The following ANO1 variants were observed in gnomAD, a reference collection of about 807,000 sequenced individuals.
ANO1 encodes the protein anoctamin-1.
A neutral mutation model predicts 124.0 loss-of-function variants in ANO1; 59 were observed. The ratio of observed to expected loss-of-function variants is 0.48; its 90% CI spans 0.39 to 0.59. The LOEUF is 0.59. ANO1 is among the 20% of genes least tolerant of loss of function. The pLI is 0.00. For missense variants in ANO1, 1,059 were observed against 1,328.0 expected (o/e 0.80, Z 3.15); for synonymous variants, 529 against 532.0 (o/e 0.99, Z 0.08).
chr11:70,095,860 T>G (rs950773515), intron 2 of ANO1, among the ~76,000 whole-genome samples: 2 of 149,192 alleles, frequency 1.3e-5, no homozygotes, highest in African/African-American at 2.4e-5. Flanking sequence ...AGTTTTTAAC[T>G]CTTTTTATGA....
At chr11:70,036,671 G>A (rs1358337370) in intron 1 of ANO1, among the ~76,000 whole-genome samples, 1 of 152,122 alleles carries the variant, frequency 6.6e-6, no homozygotes, top group Admixed American at 6.5e-5. Flanking sequence ...GCAGTAGCAC[G>A]ATCTCGGCTC....
intron 8 of ANO1, 23 bp downstream of exon 8, chr11:70,116,522 G>A: frequency 2.5e-6 from 4 of 1,581,864 alleles, no homozygotes; most frequent in Middle Eastern, 3.4e-4. Context: ...AGCGGAGCAG[G>A]AGGTGGCTCT....
At chr11:70,150,647 A>C (rs2047566680) in intron 12 of ANO1, among the ~76,000 whole-genome samples, 2 of 151,942 alleles carry the variant, frequency 1.3e-5, no homozygotes, top group Admixed American at 1.3e-4. Flanking sequence ...CCCTCCTCCC[A>C]TTTCAGCCTC....
chr11:70,121,843 CTCTCTA>C (rs1318618936), intron 8 of ANO1, among the ~76,000 whole-genome samples: 4 of 52,580 alleles, frequency 7.6e-5, no homozygotes, highest in Non-Finnish European at 4.0e-5. Context: ...CTCTGTCTGT[CTCTCTA>C]TCTCTGTCTC....
At chr11:70,021,529 A>G (rs1856809366) in intron 1 of ANO1, among the ~76,000 whole-genome samples, 1 of 151,996 alleles carries the variant, frequency 6.6e-6, no homozygotes, top group African/African-American at 2.4e-5. Flanking sequence ...AGAATGGAAA[A>G]TAAAGTGTAT....
In ANO1 at chr11:70,124,113, A is replaced by G. The variant is rs1369611418; in HGVS notation, c.898-237A>G. On this transcript the variant is annotated intron_variant, in intron 8 of 25. Coordinates refer to ENST00000355303, the MANE Select transcript of ANO1 (RefSeq NM_018043.7). ...AAAAACCCTAAAGGTAAGAAGCCGT[A>G]CAGCGTCTGGCCCATTTAGATCAAT... Among the ~76,000 whole-genome samples, 8 of 152,350 alleles carry G rather than the reference A, an allele frequency of 5.3e-5. No homozygotes were observed. The South Asian group carries it at 8.3e-4, about 16-fold the overall frequency.
chr11:70,040,239 G>C (rs1857162162), intron 1 of ANO1, among the ~76,000 whole-genome samples: 1 of 152,052 alleles, frequency 6.6e-6, no homozygotes, highest in African/African-American at 2.4e-5. Flanking sequence ...AAGGATTAAA[G>C]AGTCTGCACC....
intron 1 of ANO1, among the ~76,000 whole-genome samples, chr11:70,017,368 C>G (rs782605960): frequency 1.3e-5 from 2 of 152,246 alleles, no homozygotes; most frequent in East Asian, 1.9e-4. Flanking sequence ...TTTTGATTTT[C>G]ATTTTTATTT....
intron 8 of ANO1, 72 bp from the exon 9 acceptor site, chr11:70,124,278 G>A (rs950018296): frequency 1.5e-5 from 22 of 1,431,758 alleles, no homozygotes; most frequent in South Asian, 1.1e-4. Context: ...CTCAGTCCCC[G>A]CAGCTCTGCG....
chr11:70,116,086 G>T (rs897198088), intron 7 of ANO1, among the ~76,000 whole-genome samples: 1 of 152,218 alleles, frequency 6.6e-6, no homozygotes, highest in Non-Finnish European at 1.5e-5. Flanking sequence ...TCCCAGCAGA[G>T]TGGGACATAT....
Position 70,103,979 on chromosome 11 carries a change from G to A in ANO1, c.541-20G>A. 1 of 1,608,394 alleles carries A rather than the reference G, an allele frequency of 6.2e-7. No homozygotes were observed. Among genetic ancestry groups the A allele is most frequent in the Non-Finnish European group, 8.5e-7 (1 of 1,177,488 alleles). ...TCCAGCAGGGTGACGCAGCTCCCCG[G>A]TCCCTTGTCTTATCTGCAGATGTAC... On this transcript the variant is annotated intron_variant, in intron 3 of 25. Coordinates refer to ENST00000355303, the MANE Select transcript of ANO1 (RefSeq NM_018043.7).
intron 1 of ANO1, among the ~76,000 whole-genome samples, chr11:70,080,453 A>G (rs966787456): frequency 2.0e-5 from 3 of 152,236 alleles, no homozygotes; most frequent in Non-Finnish European, 1.5e-5. Flanking sequence ...CCATGGAGGT[A>G]CCAGCCAGGA....
intron 1 of ANO1, among the ~76,000 whole-genome samples, chr11:70,033,802 G>T (rs1555004068): frequency 6.6e-6 from 1 of 152,126 alleles, no homozygotes; most frequent in Non-Finnish European, 1.5e-5. Flanking sequence ...CATTAGAGTG[G>T]AGTCATTGCC....
At chr11:70,169,027 C>T (rs1201132764) in intron 21 of ANO1, among the ~76,000 whole-genome samples, 2 of 152,180 alleles carry the variant, frequency 1.3e-5, no homozygotes, top group Admixed American at 1.3e-4. Context: ...TGTTTAAACT[C>T]AGCATTGGCC....
intron 18 of ANO1, 82 bp downstream of exon 18, chr11:70,161,815 C>T: frequency 7.2e-7 from 1 of 1,381,396 alleles, no homozygotes; most frequent in South Asian, 1.2e-5. Flanking sequence ...GTTGGGGGCA[C>T]CTGGAGCCCA....
intron 1 of ANO1, chr11:70,085,269 G>C (rs976293895): frequency 1.5e-5 from 15 of 967,970 alleles, no homozygotes; most frequent in Non-Finnish European, 2.2e-5. Context: ...CCTTCATGGG[G>C]CTGGGCATGG....
chr11:70,075,844 G>C (rs1033661248), upstream of ANO1, among the ~76,000 whole-genome samples: 7 of 152,314 alleles, frequency 4.6e-5, no homozygotes, highest in African/African-American at 1.7e-4. Context: ...AACCATCTAT[G>C]GAACAAAAAG....
intron 2 of ANO1, among the ~76,000 whole-genome samples, chr11:70,099,316 C>T (rs2045157265): frequency 2.0e-5 from 3 of 152,114 alleles, no homozygotes; most frequent in Admixed American, 6.6e-5. Context: ...TCTCATGACC[C>T]CTTTCCCGAA....
chr11:70,140,480 G>A (rs1345007689), intron 11 of ANO1, among the ~76,000 whole-genome samples: 6 of 151,848 alleles, frequency 4.0e-5, no homozygotes, highest in African/African-American at 7.2e-5. Flanking sequence ...GCAGTGAGCC[G>A]AGATCATACC....
Sources: gnomAD v4.1 joint callset for allele counts (sites outside exome capture counted in the v4.1 genomes callset) on GRCh38, gnomAD v4.1.1 for gene constraint, MANE v1.5 for transcripts, NCBI Gene and HGNC (gene_info 2026-07-23, HGNC 2026-07-21) for gene names.